SERPINI1: variants seen among roughly 807,000 people sequenced by gnomAD.
The protein encoded by SERPINI1 is neuroserpin.
A neutral mutation model predicts 41.1 loss-of-function variants in SERPINI1; 19 were observed. The observed-to-expected ratio is 0.46, with a 90% CI of 0.32 to 0.68. SERPINI1 has a LOEUF of 0.68. Ranked by LOEUF, SERPINI1 falls within the 30% of genes least tolerant of loss-of-function variation. The pLI is 0.03. For missense variants in SERPINI1, 460 were observed against 479.2 expected, an observed-to-expected ratio of 0.96 and a Z score of 0.37; for synonymous variants, 138 against 156.6, an observed-to-expected ratio of 0.88 and a Z score of 0.89.
chr3:167,741,963 ACTAAAT>A (rs1396545564), intron 1 of SERPINI1, among the ~76,000 whole-genome samples: 3 of 152,194 alleles, frequency 2.0e-5, no homozygotes, highest in African/African-American at 7.2e-5. Flanking sequence ...AGGTATATTA[ACTAAAT>A]CTAAGGCAAC....
rs1252124996 is a variant in SERPINI1 at position 167,807,184 on chromosome 3, T to C, written c.882-60T>C. 5.4e-6 allele frequency: 6 copies of C among 1,115,764 alleles called. No individual in the cohort carries two copies. The East Asian group carries it at 1.4e-4, about 26-fold the overall frequency. The allele number at this position is 1,115,764 out of a possible 1,614,324, so 69.1% of individuals were successfully genotyped here. A position where few individuals can be genotyped will look rare whatever the true frequency, so the allele number is the denominator to read the frequency against. On this transcript the variant is annotated intron_variant, in intron 5 of 8. Transcript: ENST00000446050. The stretch of plus-strand genomic sequence containing the variant: ...AAATATCCACATATCTAACACTTTG[T>C]TCTTGTTCCAGGTAACAAGATGCTC...
intron 1 of SERPINI1, among the ~76,000 whole-genome samples, chr3:167,748,437 C>T (rs1725933189): frequency 6.6e-6 from 1 of 152,152 alleles, no homozygotes; most frequent in South Asian, 2.1e-4. Flanking sequence ...ACTGAATAGC[C>T]ATGAGCCTAT....
chr3:167,751,132 C>G (rs1726038360), intron 1 of SERPINI1, among the ~76,000 whole-genome samples: 1 of 152,056 alleles, frequency 6.6e-6, no homozygotes. Context: ...TCACCTCCTG[C>G]CAGCTAAATT....
intron 1 of SERPINI1, among the ~76,000 whole-genome samples, chr3:167,774,446 T>C (rs1305340257): frequency 2.0e-5 from 3 of 152,120 alleles, no homozygotes; most frequent in African/African-American, 4.8e-5. Context: ...AGTGAACCTA[T>C]ACATTTCACC....
rs1168773849 is a variant in SERPINI1, at chr3:167,824,477, G to C, written c.1071G>C (p.Met357Ile). Residue 357 changes from methionine to isoleucine, a missense_variant, in exon 8 of 9, where the codon ATG (methionine) becomes ATC (isoleucine). Met to Ile is a conservative substitution (Grantham distance 10). Transcript: ENST00000446050. The part of the protein sequence containing the change: ...EGSEAAAVSG[M>I]IAISRMAVLY... ...TACTTTTTATCTGCACTGTAGGAAT[G>C]ATTGCAATTAGTAGGATGGCTGTGC... 7 of 1,612,434 alleles carry C rather than the reference G, an allele frequency of 4.3e-6. 1 individual carries two copies. The Middle Eastern group carries it at 5.0e-4, about 114-fold the overall frequency.
chr3:167,758,139 C>A lies in SERPINI1; in HGVS notation c.-19+22316C>A, dbSNP rs138766939. On this transcript the variant is annotated intron_variant, in intron 1 of 8. Transcript: ENST00000446050. ...TAAGTCTTTTGTCTTCATTCTGGAC[C>A]TGCAGGTGTGTGGATCCGGTGCCCT... 1.2e-4 allele frequency among the ~76,000 whole-genome samples: 18 copies of A among 152,226 alleles called. No homozygotes were observed. In the South Asian group the frequency reaches 2.1e-3, roughly 18 times the overall value.
At chr3:167,761,101 C>G (rs75357795) in intron 1 of SERPINI1, among the ~76,000 whole-genome samples, 2,043 of 152,222 alleles carry the variant, frequency 0.013, 37 homozygotes, top group Non-Finnish European at 0.016. Flanking sequence ...GATCTTTTGC[C>G]CCAAGCCTGC....
intron 1 of SERPINI1, among the ~76,000 whole-genome samples, chr3:167,742,055 G>C (rs1041665485): frequency 3.3e-5 from 5 of 151,176 alleles, no homozygotes; most frequent in Non-Finnish European, 5.9e-5. Flanking sequence ...TAGATAAGAA[G>C]AAAAAGCCTT....
chr3:167,767,061 G>A (rs1056297766), intron 1 of SERPINI1, among the ~76,000 whole-genome samples: 1 of 152,202 alleles, frequency 6.6e-6, no homozygotes, highest in Non-Finnish European at 1.5e-5. Flanking sequence ...TGCCATCTAG[G>A]ACTTTCATAG....
At chr3:167,814,014 G>A (rs1054331708) in intron 6 of SERPINI1, among the ~76,000 whole-genome samples, 1 of 152,006 alleles carries the variant, frequency 6.6e-6, no homozygotes, top group Non-Finnish European at 1.5e-5. Context: ...TGGCTCCTTT[G>A]TATTCCTTCA....
At chr3:167,824,761 T>C (rs1227219664) in intron 8 of SERPINI1, among the ~76,000 whole-genome samples, 199 bp downstream of exon 8, 2 of 152,138 alleles carry the variant, frequency 1.3e-5, no homozygotes, top group Non-Finnish European at 2.9e-5. Context: ...AAAATAAGGC[T>C]GGTGAGGTGG....
chr3:167,774,644 A>G (rs1726902766), intron 1 of SERPINI1, among the ~76,000 whole-genome samples: 1 of 152,182 alleles, frequency 6.6e-6, no homozygotes, highest in East Asian at 1.9e-4. Flanking sequence ...CAGCAGCAGC[A>G]TTAGATTCTC....
At chr3:167,741,930 T>C (rs948675601) in intron 1 of SERPINI1, among the ~76,000 whole-genome samples, 1 of 152,014 alleles carries the variant, frequency 6.6e-6, no homozygotes, top group Non-Finnish European at 1.5e-5. Context: ...TTAAAAAAAT[T>C]ATATTATGAG....
chr3:167,748,762 G>GTGTGTA (rs1725944919), intron 1 of SERPINI1, among the ~76,000 whole-genome samples: 1 of 142,558 alleles, frequency 7.0e-6, no homozygotes, highest in African/African-American at 2.7e-5. Flanking sequence ...CTGTGTGTGT[G>GTGTGTA]TGTGTGTGTG....
At chr3:167,799,732 A>T (rs1427003891) in intron 5 of SERPINI1, among the ~76,000 whole-genome samples, 2 of 152,196 alleles carry the variant, frequency 1.3e-5, no homozygotes, top group South Asian at 2.1e-4. Context: ...AATGATCGCC[A>T]TTCTAACTGG....
intron 5 of SERPINI1, among the ~76,000 whole-genome samples, chr3:167,800,559 T>C (rs1280280344): frequency 6.6e-6 from 1 of 152,206 alleles, no homozygotes; most frequent in Non-Finnish European, 1.5e-5. Flanking sequence ...CATCAAATAC[T>C]TTAATACTTG....
At chr3:167,735,970 G>T (rs533867092) in intron 1 of SERPINI1, 147 bp downstream of exon 1, 1 of 152,214 alleles carries the variant, frequency 6.6e-6, no homozygotes, top group East Asian at 1.9e-4. Context: ...TACATTTTTC[G>T]ACTTTAAGGG....
chr3:167,788,084 A>G (rs1306062112), intron 1 of SERPINI1, among the ~76,000 whole-genome samples: 1 of 152,232 alleles, frequency 6.6e-6, no homozygotes, highest in Admixed American at 6.5e-5. Flanking sequence ...TAAGTTACTT[A>G]ATTGTATGAA....
At chr3:167,792,552 T>C in intron 3 of SERPINI1, 38 bp from the exon 4 acceptor site, 1 of 1,573,384 alleles carries the variant, frequency 6.4e-7, no homozygotes, top group Non-Finnish European at 8.7e-7. Flanking sequence ...TCTTCCAGTT[T>C]AACATGAATT....
Sources: gnomAD v4.1 joint callset for allele counts (sites outside exome capture counted in the v4.1 genomes callset) on GRCh38, gnomAD v4.1.1 for gene constraint, MANE v1.5 for transcripts, NCBI Gene and HGNC (gene_info 2026-07-23, HGNC 2026-07-21) for gene names.